The following NCOA6 variants were observed in gnomAD, a reference collection of about 807,000 sequenced individuals.
NCOA6 encodes the protein nuclear receptor coactivator 6, also known as NRC RAP250.
In NCOA6, 49 loss-of-function variants were observed where a neutral mutation model predicts 171.4. The observed-to-expected ratio is 0.29, with a 90% CI of 0.23 to 0.36. The LOEUF is 0.36. NCOA6 is among the 10% of genes least tolerant of loss of function. The probability of loss-of-function intolerance (pLI) is 1.00; values close to 1 mark genes in which losing one functional copy is unlikely to be tolerated. For missense variants in NCOA6, 2,248 were observed against 2,554.5 expected (o/e 0.88, Z 2.59); for synonymous variants, 910 against 927.5 (o/e 0.98, Z 0.34).
intron 10 of NCOA6, among the ~76,000 whole-genome samples, chr20:34,744,448 T>G (rs2076243814): frequency 6.6e-6 from 1 of 152,232 alleles, no homozygotes; most frequent in Non-Finnish European, 1.5e-5. Flanking sequence ...CAAACTAGAT[T>G]TATTCCATTG....
At chr20:34,756,284 C>T (rs2076638143) in intron 7 of NCOA6, among the ~76,000 whole-genome samples, 1 of 152,146 alleles carries the variant, frequency 6.6e-6, no homozygotes, top group Non-Finnish European at 1.5e-5. Flanking sequence ...AATATTAGAG[C>T]CTGCATGTCA....
At chr20:34,759,028 T>C in intron 5 of NCOA6, 95 bp from the exon 6 acceptor site, 1 of 1,404,000 alleles carries the variant, frequency 7.1e-7, no homozygotes, top group Non-Finnish European at 9.7e-7. Context: ...ATGGAAAATT[T>C]GTTTTTTTTT....
chr20:34,717,045 G>A (rs1988692075), intron 14 of NCOA6, among the ~76,000 whole-genome samples: 1 of 152,108 alleles, frequency 6.6e-6, no homozygotes, highest in Non-Finnish European at 1.5e-5. Flanking sequence ...TGTATTCAAG[G>A]CAAATTTTCC....
intron 10 of NCOA6, among the ~76,000 whole-genome samples, chr20:34,745,408 C>T (rs527392805): frequency 1.3e-5 from 2 of 152,282 alleles, no homozygotes; most frequent in South Asian, 2.1e-4. Flanking sequence ...GGCAAGCAGG[C>T]ATGTTCCTGC....
intron 8 of NCOA6, among the ~76,000 whole-genome samples, chr20:34,752,953 A>C (rs1476954116): frequency 6.6e-6 from 1 of 151,894 alleles, no homozygotes; most frequent in Non-Finnish European, 1.5e-5. Flanking sequence ...AACAAACAAA[A>C]AACATGTACA....
chr20:34,776,584 G>C (rs1042070836), intron 3 of NCOA6, 136 bp from the exon 4 acceptor site: 1 of 1,023,390 alleles, frequency 9.8e-7, no homozygotes, highest in African/African-American at 1.6e-5. Flanking sequence ...ATATGCTTTG[G>C]AGCTACAGAC....
intron 13 of NCOA6, among the ~76,000 whole-genome samples, chr20:34,730,234 A>C (rs1235679742): frequency 6.7e-6 from 1 of 148,340 alleles, no homozygotes; most frequent in South Asian, 2.1e-4. Flanking sequence ...ATGACCAGCT[A>C]ATTTTTTATT....
At position 34,776,391 on chromosome 20, in the gene NCOA6, A is replaced by C. The variant is rs1335980269; in HGVS notation, c.293T>G (p.Phe98Cys). Residue 98 changes from phenylalanine (F) to cysteine (C), a missense_variant, in exon 4 of 15, where the codon TTC becomes TGC. Around this residue, in one of 7 missense-constraint regions of NCOA6, gnomAD observed 987 missense variants for 1,104.7 expected, o/e 0.89. Transcript: ENST00000359003. ...CTCCGCTGCTTCCCGGGGGATGTTG[A>C]ATGTCACACGCACGCTGTTCCAGGG... ...VEPWNSVRVTFNIPREAAERL... is the reference protein window; with the variant it reads ...VEPWNSVRVTCNIPREAAERL... 1 of 1,614,028 alleles carries C rather than the reference A, an allele frequency of 6.2e-7. No individual in the cohort carries two copies. The highest frequency in any genetic ancestry group is 8.5e-7 in the Non-Finnish European group (1 of 1,180,034).
At chr20:34,786,665 TTCTTAA>T (rs1400711949) in intron 2 of NCOA6, among the ~76,000 whole-genome samples, 1 of 152,226 alleles carries the variant, frequency 6.6e-6, no homozygotes, top group Non-Finnish European at 1.5e-5. Flanking sequence ...ATGAGTGAAC[TTCTTAA>T]TCTTGAGTTC....
At chr20:34,790,602 G>A (rs1429496742) in intron 2 of NCOA6, among the ~76,000 whole-genome samples, 1 of 152,028 alleles carries the variant, frequency 6.6e-6, no homozygotes, top group African/African-American at 2.4e-5. Context: ...TGATGTACCC[G>A]CCTCGGCCTC....
Position 34,742,026 on chromosome 20 carries a change from A to T in NCOA6, c.4230T>A (p.Gly1410=). 6.2e-7 allele frequency: 1 copy of T among 1,614,008 alleles called. No homozygotes were observed. Among genetic ancestry groups the T allele is most frequent in the Non-Finnish European group, 8.5e-7 (1 of 1,180,012 alleles). ...NSTVSVAAVG[G]VVEDNKESLN... is the part of the protein sequence containing the mutation. The stretch of plus-strand genomic sequence containing the variant: ...AGCTCTCCTTGTTATCCTCAACAAC[A>T]CCCCCAACTGCAGCCACAGACACAG... The change falls in exon 11 of 15, where the codon GGT becomes GGA. Residue 1410 remains glycine (G), a synonymous_variant. Transcript: ENST00000359003.
Position 34,740,475 on chromosome 20 carries a change from G to T in NCOA6, c.5781C>A (p.Ile1927=), listed in dbSNP as rs775364207. The T allele has an allele frequency of 2.5e-6, 4 of 1,614,216 alleles. No individual in the cohort carries two copies. Among genetic ancestry groups the T allele is most frequent in the Non-Finnish European group, 3.4e-6 (4 of 1,180,044 alleles). The change falls in exon 11 of 15, where the codon ATC becomes ATA. Residue 1927 remains isoleucine (I), a synonymous_variant. Coordinates refer to ENST00000359003, the MANE Select transcript of NCOA6 (RefSeq NM_014071.5). ...TGCTTTTTGTGGTCGGTACGGCGGA[G>T]ATGAGCTCGGAGGGTACCAGAGTGG... ...IVTTLVPSEL[I]SAVPTTKSNH... is the part of the protein sequence containing the mutation.
rs1307996829 is a variant in NCOA6, at chr20:34,825,622, G to A, written c.-314C>T. 6 of 151,572 alleles carry A rather than the reference G, an allele frequency of 4.0e-5. No individual in the cohort carries two copies. The highest frequency in any genetic ancestry group is 2.6e-4 in the Admixed American group (4 of 15,198). 9.4% of individuals were successfully genotyped at this position (151,572 alleles called of 1,614,324 possible). On this transcript the variant is annotated 5_prime_UTR_variant, in exon 1 of 15. Coordinates refer to ENST00000359003, the MANE Select transcript of NCOA6 (RefSeq NM_014071.5). Reference sequence around the variant, plus strand: ...CGGCCGCCCGCAGCCCGACCCGGCAGGGCCTCACGGAGCCGGCGGGGAGGG... The same window carrying A: ...CGGCCGCCCGCAGCCCGACCCGGCAAGGCCTCACGGAGCCGGCGGGGAGGG...
At chr20:34,754,471 GAAA>G (rs539765833) in intron 8 of NCOA6, among the ~76,000 whole-genome samples, 1 of 151,968 alleles carries the variant, frequency 6.6e-6, no homozygotes, top group Non-Finnish European at 1.5e-5. Context: ...CCCCTTCAGA[GAAA>G]AAAAATACTG....
chr20:34,766,066 C>G (rs6119519), intron 5 of NCOA6, among the ~76,000 whole-genome samples: 1 of 152,062 alleles, frequency 6.6e-6, no homozygotes, highest in African/African-American at 2.4e-5. Flanking sequence ...TCAGTTTAAC[C>G]TAATATTAAA....
At chr20:34,810,797 G>A (rs2078631313) in intron 1 of NCOA6, among the ~76,000 whole-genome samples, 1 of 152,040 alleles carries the variant, frequency 6.6e-6, no homozygotes, top group African/African-American at 2.4e-5. Context: ...GCCCACCTTG[G>A]CCTCCCAAAG....
At chr20:34,824,541 C>A (rs2079096688) in intron 1 of NCOA6, among the ~76,000 whole-genome samples, 1 of 152,192 alleles carries the variant, frequency 6.6e-6, no homozygotes, top group Non-Finnish European at 1.5e-5. Context: ...AGGGAAGACA[C>A]CTTGGGTCAC....
chr20:34,731,023 T>A (rs2145373505), intron 13 of NCOA6, among the ~76,000 whole-genome samples: 1 of 150,992 alleles, frequency 6.6e-6, no homozygotes. Context: ...GACTCTTTTT[T>A]CTTTTCTTTT....
intron 5 of NCOA6, among the ~76,000 whole-genome samples, chr20:34,759,670 A>C (rs950947828): frequency 4.6e-5 from 7 of 152,122 alleles, no homozygotes; most frequent in Non-Finnish European, 8.8e-5. Flanking sequence ...TAAGGGTTCC[A>C]TTGTATAGAA....
Sources: allele counts gnomAD v4.1 joint callset (sites outside exome capture counted in the v4.1 genomes callset), GRCh38; gene constraint gnomAD v4.1.1; regional missense constraint gnomAD v4.1.1; transcripts MANE v1.5; gene names NCBI Gene and HGNC (gene_info 2026-07-23, HGNC 2026-07-21).